The following FBXL7 variants were observed in gnomAD, a reference collection of about 807,000 sequenced individuals.
The protein encoded by FBXL7 is F-box/LRR-repeat protein 7.
Under a neutral mutation model 38.3 loss-of-function variants are expected in FBXL7, and 12 were observed. The ratio of observed to expected loss-of-function variants is 0.31; its 90% CI spans 0.20 to 0.51. The LOEUF is 0.51. Among genes scored for constraint, FBXL7 ranks in the 20% least tolerant of loss-of-function variants. The pLI, the probability that FBXL7 is intolerant of heterozygous loss-of-function variation, is 0.98. For synonymous variants in FBXL7, 297 were observed against 300.9 expected, an observed-to-expected ratio of 0.99 and a Z score of 0.13; for missense variants, 567 against 676.4, an observed-to-expected ratio of 0.84 and a Z score of 1.79.
intron 1 of FBXL7, among the ~76,000 whole-genome samples, chr5:15,572,388 A>T (rs1303846627): frequency 1.3e-4 from 6 of 44,826 alleles, no homozygotes; most frequent in African/African-American, 8.2e-4. Flanking sequence ...GGTTTCTGCT[A>T]AAAAAAAAAA....
chr5:15,534,396 A>T (rs983267390), intron 1 of FBXL7, among the ~76,000 whole-genome samples: 9 of 152,066 alleles, frequency 5.9e-5, no homozygotes, highest in Non-Finnish European at 1.3e-4. Context: ...TCAGAGTGTC[A>T]TGTAGTTGAA....
intron 2 of FBXL7, among the ~76,000 whole-genome samples, chr5:15,707,174 G>GTTTTTTTTTTTTTTTTTTTTGT (rs1743710449): frequency 1.4e-5 from 1 of 70,392 alleles, no homozygotes. Flanking sequence ...TTTTCTTTTC[G>GTTTTTTTTTTTTTTTTTTTTGT]TTTTTTTTTT....
At chr5:15,571,831 C>T (rs1040398341) in intron 1 of FBXL7, among the ~76,000 whole-genome samples, 1 of 152,050 alleles carries the variant, frequency 6.6e-6, no homozygotes, top group African/African-American at 2.4e-5. Flanking sequence ...GATGCCAGTG[C>T]CCTCAGGGAG....
intron 2 of FBXL7, among the ~76,000 whole-genome samples, chr5:15,675,383 T>C (rs1374128270): frequency 6.6e-6 from 1 of 152,242 alleles, no homozygotes; most frequent in Non-Finnish European, 1.5e-5. Context: ...CTTTAACAAA[T>C]AACACAATCT....
At chr5:15,748,224 C>A (rs1357305697) in intron 2 of FBXL7, among the ~76,000 whole-genome samples, 1 of 152,184 alleles carries the variant, frequency 6.6e-6, no homozygotes, top group African/African-American at 2.4e-5. Flanking sequence ...AGGACAGGCC[C>A]TGACAACAAA....
At chr5:15,771,604 G>A (rs922221654) in intron 2 of FBXL7, among the ~76,000 whole-genome samples, 32 of 152,008 alleles carry the variant, frequency 2.1e-4, no homozygotes, top group Admixed American at 3.9e-4. Context: ...CTGAATTCCC[G>A]GCCAGCTCTG....
chr5:15,728,203 A>G (rs1013096103), intron 2 of FBXL7, among the ~76,000 whole-genome samples: 1 of 152,114 alleles, frequency 6.6e-6, no homozygotes. Flanking sequence ...TATATCTGCC[A>G]TGATGTCTTT....
intron 2 of FBXL7, among the ~76,000 whole-genome samples, chr5:15,866,890 T>C (rs78302484): frequency 1.3e-5 from 2 of 152,092 alleles, no homozygotes; most frequent in Admixed American, 6.6e-5. Flanking sequence ...ATGTACCACA[T>C]TTTTTTAACC....
chr5:15,840,150 T>C lies in FBXL7; in HGVS notation c.128-87740T>C, dbSNP rs1738703801. Reference sequence around the variant, plus strand: ...TACTGACATTTGTTCCATCCCAGTCTTTCCTCGGAGAAAGTGTCACAATGT... The same window carrying C: ...TACTGACATTTGTTCCATCCCAGTCCTTCCTCGGAGAAAGTGTCACAATGT... On this transcript the variant is annotated intron_variant, in intron 2 of 3. Coordinates refer to ENST00000504595, the MANE Select transcript of FBXL7 (RefSeq NM_012304.5). 2.6e-5 allele frequency among the ~76,000 whole-genome samples: 4 copies of C among 152,232 alleles called. No homozygotes were observed. In the South Asian group the frequency reaches 8.3e-4, roughly 32 times the overall value.
At chr5:15,817,011 G>A (rs1738033241) in intron 2 of FBXL7, among the ~76,000 whole-genome samples, 1 of 152,168 alleles carries the variant, frequency 6.6e-6, no homozygotes, top group African/African-American at 2.4e-5. Context: ...AAGTTATGTG[G>A]CTGATGGTGA....
At chr5:15,816,186 T>C (rs2126758929) in intron 2 of FBXL7, among the ~76,000 whole-genome samples, 1 of 152,110 alleles carries the variant, frequency 6.6e-6, no homozygotes, top group Middle Eastern at 3.4e-3. Flanking sequence ...CAATTCACAA[T>C]TGCAGAGATA....
intron 2 of FBXL7, among the ~76,000 whole-genome samples, chr5:15,766,808 T>C (rs969491114): frequency 2.6e-5 from 4 of 152,202 alleles, no homozygotes; most frequent in African/African-American, 9.7e-5. Flanking sequence ...TAATTGAAGC[T>C]TTCTAATCAT....
chr5:15,611,683 A>G (rs1344091816), intron 1 of FBXL7, among the ~76,000 whole-genome samples: 1 of 152,118 alleles, frequency 6.6e-6, no homozygotes, highest in Non-Finnish European at 1.5e-5. Context: ...ATCTCAAGTT[A>G]TGAGAATCAA....
At chr5:15,844,772 G>A (rs1218512479) in intron 2 of FBXL7, among the ~76,000 whole-genome samples, 1 of 152,046 alleles carries the variant, frequency 6.6e-6, no homozygotes, top group Non-Finnish European at 1.5e-5. Context: ...AGCCAAGGCA[G>A]GTGTGCTTGA....
chr5:15,708,151 G>A (rs550491896), intron 2 of FBXL7, among the ~76,000 whole-genome samples: 38 of 152,104 alleles, frequency 2.5e-4, no homozygotes, highest in African/African-American at 8.7e-4. Flanking sequence ...GTTGGTATCC[G>A]ATCATGGATG....
chr5:15,664,778 T>C (rs1030604294), intron 2 of FBXL7, among the ~76,000 whole-genome samples: 4 of 152,096 alleles, frequency 2.6e-5, no homozygotes, highest in Non-Finnish European at 2.9e-5. Flanking sequence ...CTTCAAATTT[T>C]CTTCAAGCGT....
chr5:15,780,526 A>C (rs996692416), intron 2 of FBXL7, among the ~76,000 whole-genome samples: 5 of 152,172 alleles, frequency 3.3e-5, no homozygotes, highest in Non-Finnish European at 7.3e-5. Context: ...AAGGCTATTA[A>C]GAATTAGGAA....
chr5:15,527,051 G>A (rs1255056754), intron 1 of FBXL7, among the ~76,000 whole-genome samples: 1 of 152,164 alleles, frequency 6.6e-6, no homozygotes, highest in Non-Finnish European at 1.5e-5. Flanking sequence ...TTGGTTTATG[G>A]ACCTCCACCC....
chr5:15,513,331 G>C (rs1736853299), intron 1 of FBXL7, among the ~76,000 whole-genome samples: 1 of 152,010 alleles, frequency 6.6e-6, no homozygotes, highest in African/African-American at 2.4e-5. Flanking sequence ...CAATTAAAAT[G>C]AAAGTGTTAT....
Sources: allele counts gnomAD v4.1 joint callset (sites outside exome capture counted in the v4.1 genomes callset), GRCh38; gene constraint gnomAD v4.1.1; transcripts MANE v1.5; gene names NCBI Gene and HGNC (gene_info 2026-07-23, HGNC 2026-07-21).